Variants in RNF6 observed in about 807,000 individuals in gnomAD.
The protein encoded by RNF6 is E3 ubiquitin-protein ligase RNF6.
A neutral mutation model predicts 50.1 loss-of-function variants in RNF6; 21 were observed. That is an observed-to-expected ratio of 0.42 (90% CI 0.30 to 0.60). RNF6 has a LOEUF of 0.60. Among genes scored for constraint, RNF6 ranks in the 20% least tolerant of loss-of-function variants. The pLI is 0.20. For missense variants in RNF6, 698 were observed against 838.2 expected (o/e 0.83, Z 2.07); for synonymous variants, 255 against 291.8 (o/e 0.87, Z 1.29).
At position 26,166,872 on chromosome 13, in the gene RNF6, A is replaced by G. The variant is rs192693011; in HGVS notation, n.769-34421T>C. ...GAGGCAGAGGTTGCAGTGAGCTGAG[A>G]TCACACCACTGCACTCCAGCCTGGG... On this transcript the variant is annotated intron_variant and non_coding_transcript_variant, in intron 5 of 5. Transcript: ENST00000468480. Among the ~76,000 whole-genome samples, 372 of 152,314 alleles carry G rather than the reference A, an allele frequency of 2.4e-3. 1 individual carries two copies. Among genetic ancestry groups the G allele is most frequent in the Non-Finnish European group, 4.3e-3 (295 of 68,034 alleles).
chr13:26,175,599 T>G (rs1872917928), intron 5 of RNF6, among the ~76,000 whole-genome samples: 1 of 152,064 alleles, frequency 6.6e-6, no homozygotes, highest in Non-Finnish European at 1.5e-5. Flanking sequence ...CCCCAAACAC[T>G]AAGCAATTGA....
Position 26,214,923 on chromosome 13 carries a change from C to A in RNF6, c.959G>T (p.Gly320Val). Reference sequence around the variant, plus strand: ...CCTTTGGGAATTATGATAAACAGTGCCACTCTGTCTCTGAATTGGTGAACG... The same window carrying A: ...CCTTTGGGAATTATGATAAACAGTGACACTCTGTCTCTGAATTGGTGAACG... ...RSRSPIQRQS[G>V]TVYHNSQRES... Residue 320 changes from glycine (G) to valine (V), a missense_variant, in exon 5 of 5, where the codon GGC becomes GTC. Gly to Val is a moderately radical substitution (Grantham distance 109). Transcript: ENST00000381588. 1 of 1,614,216 alleles carries A rather than the reference C, an allele frequency of 6.2e-7. No homozygotes were observed. Among genetic ancestry groups the A allele is most frequent in the Non-Finnish European group, 8.5e-7 (1 of 1,180,038 alleles).
At chr13:26,212,262 A>C (rs2137733816), downstream of RNF6, among the ~76,000 whole-genome samples, 1 of 152,330 alleles carries the variant, frequency 6.6e-6, no homozygotes, top group South Asian at 2.1e-4. Context: ...TTAGTTTGCT[A>C]TGAAAAGCCT....
intron 5 of RNF6, among the ~76,000 whole-genome samples, chr13:26,192,648 C>A (rs973118119): frequency 2.6e-5 from 4 of 152,198 alleles, no homozygotes; most frequent in Non-Finnish European, 4.4e-5. Flanking sequence ...AACAGGCTGC[C>A]ATTTTGGAAA....
chr13:26,132,618 TAGA>T, intron 5 of RNF6, among the ~76,000 whole-genome samples: 1 of 152,354 alleles, frequency 6.6e-6, no homozygotes. Flanking sequence ...TAAACCTTGT[TAGA>T]AGATGTTGCC....
At chr13:26,190,464 C>A (rs1458091847) in intron 5 of RNF6, among the ~76,000 whole-genome samples, 6 of 152,194 alleles carry the variant, frequency 3.9e-5, no homozygotes, top group Non-Finnish European at 7.3e-5. Flanking sequence ...TCCTATGTGA[C>A]TTCTGACAGA....
At chr13:26,221,555 GT>G (rs1188418978) in intron 1 of RNF6, 1 of 152,262 alleles carries the variant, frequency 6.6e-6, no homozygotes, top group Non-Finnish European at 1.5e-5. Context: ...CACTGTCACT[GT>G]TCCTGGGTTT....
intron 5 of RNF6, among the ~76,000 whole-genome samples, chr13:26,206,253 T>A (rs1869104185): frequency 6.7e-6 from 1 of 148,822 alleles, no homozygotes. Context: ...AGGAAGTAGA[T>A]GGATGCAGTG....
rs369451282 is a variant in RNF6, at chr13:26,173,748, C to T, written n.769-41297G>A. Among the ~76,000 whole-genome samples, 18 of 151,464 alleles carry T rather than the reference C, an allele frequency of 1.2e-4. No homozygotes were observed. The East Asian group carries it at 2.3e-3, about 20-fold the overall frequency. Reference sequence around the variant, plus strand: ...CAGGCAGATCACAAGGTCAGGAGATCGAGACCATCCTGGCCAACATGGTGA... The same window carrying T: ...CAGGCAGATCACAAGGTCAGGAGATTGAGACCATCCTGGCCAACATGGTGA... On this transcript the variant is annotated intron_variant and non_coding_transcript_variant, in intron 5 of 5. Coordinates refer to the RNF6 transcript ENST00000468480.
intron 5 of RNF6, among the ~76,000 whole-genome samples, chr13:26,200,119 G>C (rs763908869): frequency 6.6e-6 from 1 of 152,140 alleles, no homozygotes. Flanking sequence ...AGAACTGTAA[G>C]AAATAAATAT....
At chr13:26,174,311 G>C (rs572119787) in intron 5 of RNF6, among the ~76,000 whole-genome samples, 14 of 152,178 alleles carry the variant, frequency 9.2e-5, no homozygotes, top group African/African-American at 3.1e-4. Flanking sequence ...GCTGGAGTTC[G>C]GTTATTGTAA....
chr13:26,183,884 G>GT (rs67656503), intron 5 of RNF6, among the ~76,000 whole-genome samples: 6 of 86,006 alleles, frequency 7.0e-5, no homozygotes, highest in African/African-American at 1.8e-4. Context: ...TAAAATATAG[G>GT]TTTTTTTATA....
chr13:26,142,575 T>C (rs964934453), intron 5 of RNF6, among the ~76,000 whole-genome samples: 2 of 152,104 alleles, frequency 1.3e-5, no homozygotes, highest in South Asian at 2.1e-4. Context: ...TTTGCAGCAA[T>C]ATAGATGCAG....
At chr13:26,161,879 CT>C (rs1454389413) in intron 5 of RNF6, among the ~76,000 whole-genome samples, 1 of 152,328 alleles carries the variant, frequency 6.6e-6, no homozygotes, top group East Asian at 1.9e-4. Flanking sequence ...TCAAAACCAC[CT>C]CCAATTAGCT....
chr13:26,184,009 TA>T (rs1873374912), intron 5 of RNF6, among the ~76,000 whole-genome samples: 11 of 11,594 alleles, frequency 9.5e-4, no homozygotes, highest in South Asian at 4.0e-3. Flanking sequence ...TATATATATA[TA>T]TATATATATT....
rs552070665 is a variant in RNF6 at position 26,198,647 on chromosome 13, A to G, written n.768+16827T>C. ...CTTAACACTGTAATGAAGGTCCTAG[A>G]TAGTGTTAAAAAGTTAAAAAAAACC... On this transcript the variant is annotated intron_variant and non_coding_transcript_variant, in intron 5 of 5. Transcript: ENST00000468480. Among the ~76,000 whole-genome samples, 28 of 152,072 alleles carry G rather than the reference A, an allele frequency of 1.8e-4. 1 individual carries two copies. The highest frequency in any genetic ancestry group is 6.0e-4 in the African/African-American group (25 of 41,336).
At chr13:26,169,873 C>T (rs1207515460) in intron 5 of RNF6, among the ~76,000 whole-genome samples, 1 of 152,166 alleles carries the variant, frequency 6.6e-6, no homozygotes, top group Non-Finnish European at 1.5e-5. Flanking sequence ...CTCTTCAGTC[C>T]TTTGTTTCAG....
In RNF6 at chr13:26,150,712, A is replaced by T. The variant is rs144701848; in HGVS notation, n.769-18261T>A. ...ACTATAGACTTAAAGGAATTACACCAGCTTTAATCAACTGCTTGAAAAAAA... is the reference window on the plus strand; with the variant it reads ...ACTATAGACTTAAAGGAATTACACCTGCTTTAATCAACTGCTTGAAAAAAA... On this transcript the variant is annotated intron_variant and non_coding_transcript_variant, in intron 5 of 5. Coordinates refer to the RNF6 transcript ENST00000468480. 121 of 151,730 alleles carry T rather than the reference A, an allele frequency of 8.0e-4. 1 individual carries two copies. The highest frequency in any genetic ancestry group is 2.9e-3 in the African/African-American group (120 of 41,348). The allele number at this position is 151,730 out of a possible 1,614,324, so 9.4% of individuals were successfully genotyped here.
upstream of RNF6, among the ~76,000 whole-genome samples, chr13:26,223,032 T>C (rs1431792453): frequency 6.6e-6 from 1 of 152,256 alleles, no homozygotes; most frequent in Non-Finnish European, 1.5e-5. Flanking sequence ...TTAGTTAAGA[T>C]GCTGAGTAGG....
Sources: allele counts gnomAD v4.1 joint callset (sites outside exome capture counted in the v4.1 genomes callset), GRCh38; gene constraint gnomAD v4.1.1; transcripts MANE v1.5; gene names NCBI Gene and HGNC (gene_info 2026-07-23, HGNC 2026-07-21).